NT5M: variants seen among roughly 807,000 people sequenced by gnomAD.
NT5M encodes the protein 5',3'-nucleotidase, mitochondrial, also known as 5'(3')-deoxyribonucleotidase, mitochondrial.
NT5M carries 22 observed loss-of-function variants against 22.2 expected under a neutral mutation model. The observed-to-expected ratio is 0.99, with a 90% confidence interval of 0.71 to 1.41. NT5M has a LOEUF of 1.41. Ranked by LOEUF, NT5M falls within the 40% of genes most tolerant of loss-of-function variation. The pLI is 0.00. For synonymous variants in NT5M, 167 were observed against 133.0 expected, an observed-to-expected ratio of 1.26 and a Z score of -1.76; for missense variants, 322 against 314.8, an observed-to-expected ratio of 1.02 and a Z score of -0.17.
intron 3 of NT5M, chr17:17,333,642 T>G (rs1188210714): frequency 1.3e-5 from 2 of 151,872 alleles, no homozygotes; most frequent in Non-Finnish European, 2.9e-5. Context: ...ACTTTTAGAT[T>G]TTTTATTTAG....
chr17:17,303,840 G>C (rs1255291852), intron 1 of NT5M, 23 bp downstream of exon 1: 2 of 1,370,666 alleles, frequency 1.5e-6, no homozygotes, highest in East Asian at 3.0e-5. Flanking sequence ...GCCCCGCCCC[G>C]CGCCGGGCCT....
chr17:17,335,833 A>G (rs533257591), intron 3 of NT5M, among the ~76,000 whole-genome samples: 8 of 151,894 alleles, frequency 5.3e-5, no homozygotes, highest in Non-Finnish European at 1.0e-4. Context: ...GGGTTTTGCC[A>G]TGTTGGCCAG....
At chr17:17,326,998 G>A (rs1001381598) in intron 3 of NT5M, among the ~76,000 whole-genome samples, 17 of 151,888 alleles carry the variant, frequency 1.1e-4, no homozygotes, top group Non-Finnish European at 1.6e-4. Flanking sequence ...TGCAACATCC[G>A]CCTCCCAAGT....
In NT5M at chr17:17,347,609, C is replaced by T. The variant is rs75485907; in HGVS notation, c.*662C>T. 6.5e-6 allele frequency: 1 copy of T among 152,856 alleles called. No individual in the cohort carries two copies. The highest frequency in any genetic ancestry group is 2.4e-5 in the African/African-American group (1 of 41,600). The allele number at this position is 152,856 out of a possible 1,614,324, so 9.5% of individuals were successfully genotyped here. A position where few individuals can be genotyped will look rare whatever the true frequency, so the allele number is the denominator to read the frequency against. ...CAGGGCCCAGCAGAGAGTCCGTAGG[C>T]TTGAACATGTGTTGAGTGCATGAAA... On this transcript the variant is annotated 3_prime_UTR_variant, in exon 5 of 5. Coordinates refer to ENST00000389022, the MANE Select transcript of NT5M (RefSeq NM_020201.4).
intron 2 of NT5M, among the ~76,000 whole-genome samples, chr17:17,311,483 G>C (rs1481004262): frequency 2.6e-5 from 4 of 152,052 alleles, no homozygotes; most frequent in Non-Finnish European, 5.9e-5. Context: ...TTCATTTATT[G>C]AAAAGACTAC....
intron 3 of NT5M, among the ~76,000 whole-genome samples, chr17:17,331,021 C>T (rs56158693): frequency 0.059 from 8,946 of 151,606 alleles, 363 homozygotes; most frequent in South Asian, 0.1. Flanking sequence ...GGATTACAGG[C>T]GTGAGCCACT....
chr17:17,347,039 C>A lies in NT5M; in HGVS notation c.*92C>A. ...GGCCAGTATGCTGGTCTGGGAGTCC[C>A]TCCTAGACTCCTGGGCCCCATGACC... On this transcript the variant is annotated 3_prime_UTR_variant, in exon 5 of 5. Coordinates refer to ENST00000389022, the MANE Select transcript of NT5M (RefSeq NM_020201.4). The A allele has an allele frequency of 6.8e-7, 1 of 1,470,462 alleles. No homozygotes were observed. Among genetic ancestry groups the A allele is most frequent in the South Asian group, 1.3e-5 (1 of 77,828 alleles). The allele number at this position is 1,470,462 out of a possible 1,614,324, so 91.1% of individuals were successfully genotyped here.
rs201242235 is a variant in NT5M, at chr17:17,344,889, C to T, written c.525C>T (p.Asp175=). The T allele has an allele frequency of 8.1e-6, 13 of 1,614,062 alleles. No homozygotes were observed. Among genetic ancestry groups the T allele is most frequent in the South Asian group, 3.3e-5 (3 of 91,090 alleles). Residue 175 remains aspartate (D), a synonymous_variant, in exon 4 of 5, where the codon GAC becomes GAT. Coordinates refer to ENST00000389022, the MANE Select transcript of NT5M (RefSeq NM_020201.4). ...TGGTCTCTGCTGACCTTCTCATAGA[C>T]GACCGGCCGGACATCACAGGCAAGT... ...KTVVSADLLI[D]DRPDITGAEP...
intron 2 of NT5M, among the ~76,000 whole-genome samples, chr17:17,314,784 G>A (rs554871084): frequency 2.0e-5 from 3 of 152,298 alleles, no homozygotes; most frequent in South Asian, 4.1e-4. Context: ...CATCTTCCTG[G>A]AATGTTTCTG....
chr17:17,336,122 C>T (rs1456216336), intron 3 of NT5M, among the ~76,000 whole-genome samples: 1 of 151,612 alleles, frequency 6.6e-6, no homozygotes, highest in African/African-American at 2.4e-5. Context: ...CCTGCCTCAG[C>T]CTCCTGAGTG....
intron 2 of NT5M, among the ~76,000 whole-genome samples, chr17:17,314,195 G>A (rs2048977021): frequency 6.6e-6 from 1 of 151,926 alleles, no homozygotes; most frequent in African/African-American, 2.4e-5. Context: ...CACCACGCCC[G>A]GCTAATTTTT....
chr17:17,325,143 G>T (rs2049238882), intron 3 of NT5M, among the ~76,000 whole-genome samples: 1 of 152,166 alleles, frequency 6.6e-6, no homozygotes. Context: ...TTTAAGGATT[G>T]CGGGACTGGA....
intron 2 of NT5M, among the ~76,000 whole-genome samples, chr17:17,313,739 G>A (rs183121004): frequency 1.6e-4 from 24 of 152,192 alleles, no homozygotes; most frequent in Non-Finnish European, 3.2e-4. Flanking sequence ...TGGGGCTCAG[G>A]CAGGCAGGCA....
intron 2 of NT5M, among the ~76,000 whole-genome samples, chr17:17,311,351 AG>A (rs1423404765): frequency 6.6e-6 from 1 of 150,982 alleles, no homozygotes; most frequent in Non-Finnish European, 1.5e-5. Context: ...AAAAAAAAAA[AG>A]AGTTTTAGTT....
intron 1 of NT5M, among the ~76,000 whole-genome samples, chr17:17,305,147 G>T (rs1298839828): frequency 6.6e-6 from 1 of 152,056 alleles, no homozygotes; most frequent in Non-Finnish European, 1.5e-5. Flanking sequence ...GTATTAACGT[G>T]GAAACCAAGC....
intron 2 of NT5M, among the ~76,000 whole-genome samples, chr17:17,316,857 G>A (rs1315736428): frequency 1.3e-5 from 2 of 151,462 alleles, no homozygotes; most frequent in Non-Finnish European, 2.9e-5. Context: ...TGGGACTATA[G>A]GCACATGCTA....
rs2048728043 is a variant in NT5M at position 17,303,646 on chromosome 17, A to C, written c.96A>C (p.Gly32=). ...RGAAGGLGLA[G]GRALRVLVDM... ...CGGCGGGCGGGCTGGGCCTGGCGGG[A>C]GGCCGCGCCCTACGGGTGCTGGTGG... Residue 32 remains glycine, a synonymous_variant, in exon 1 of 5, where the codon GGA becomes GGC. Transcript: ENST00000389022. The C allele has an allele frequency of 6.9e-7, 1 of 1,459,642 alleles. No individual in the cohort carries two copies. The highest frequency in any genetic ancestry group is 9.1e-7 in the Non-Finnish European group (1 of 1,097,858). The allele number at this position is 1,459,642 out of a possible 1,614,324, so 90.4% of individuals were successfully genotyped here. A position where few individuals can be genotyped will look rare whatever the true frequency, so the allele number is the denominator to read the frequency against.
At chr17:17,323,701 G>A (rs2049204585) in intron 3 of NT5M, among the ~76,000 whole-genome samples, 1 of 152,208 alleles carries the variant, frequency 6.6e-6, no homozygotes, top group Non-Finnish European at 1.5e-5. Context: ...TGTGGCCCTG[G>A]AGGAGAGCAC....
chr17:17,314,654 C>T (rs1346022584), intron 2 of NT5M, among the ~76,000 whole-genome samples: 1 of 152,190 alleles, frequency 6.6e-6, no homozygotes, highest in Non-Finnish European at 1.5e-5. Context: ...AGGCTGTCTG[C>T]CATCTGACCC....
Sources: gnomAD v4.1 joint callset for allele counts (sites outside exome capture counted in the v4.1 genomes callset) on GRCh38, gnomAD v4.1.1 for gene constraint, MANE v1.5 for transcripts, NCBI Gene and HGNC (gene_info 2026-07-23, HGNC 2026-07-21) for gene names.